The following DDX19B variants were observed in gnomAD, a reference collection of about 807,000 sequenced individuals.
The protein encoded by DDX19B is DEAD-box helicase 19B, also known as ATP-dependent RNA helicase DDX19B.
A neutral mutation model predicts 58.1 loss-of-function variants in DDX19B; 27 were observed. That is an observed-to-expected ratio of 0.46 (90% CI 0.34 to 0.64). The LOEUF (loss-of-function observed/expected upper bound fraction) is 0.64, where lower values mean the gene tolerates loss of function less well. DDX19B is among the 30% of genes least tolerant of loss of function. The pLI is 0.01. For missense variants in DDX19B, 399 were observed against 596.5 expected, an observed-to-expected ratio of 0.67 and a Z score of 3.45; for synonymous variants, 187 against 214.4, an observed-to-expected ratio of 0.87 and a Z score of 1.12.
At chr16:70,318,637 C>CA (rs994284086) in intron 5 of DDX19B, among the ~76,000 whole-genome samples, 32 of 145,508 alleles carry the variant, frequency 2.2e-4, no homozygotes, top group East Asian at 1.4e-3. Context: ...ACTAAAAATA[C>CA]AAAAAAAAAA....
intron 5 of DDX19B, among the ~76,000 whole-genome samples, chr16:70,323,577 C>CCA (rs1962970150): frequency 6.6e-6 from 1 of 152,012 alleles, no homozygotes; most frequent in Non-Finnish European, 1.5e-5. Context: ...GCGCCCACCA[C>CCA]CATGCCTGGC....
At chr16:70,291,625 C>G (rs1024681570), upstream of DDX19B, among the ~76,000 whole-genome samples, 1 of 151,920 alleles carries the variant, frequency 6.6e-6, no homozygotes, top group Non-Finnish European at 1.5e-5. Flanking sequence ...CTGGCTAACA[C>G]GACGAAACCC....
chr16:70,316,854 T>A (rs1962446729), intron 4 of DDX19B, among the ~76,000 whole-genome samples: 1 of 152,010 alleles, frequency 6.6e-6, no homozygotes, highest in Admixed American at 6.6e-5. Flanking sequence ...GCAGACCACT[T>A]GAGGTCAGGA....
At chr16:70,311,759 A>T (rs1309283885) in intron 1 of DDX19B, among the ~76,000 whole-genome samples, 2 of 152,222 alleles carry the variant, frequency 1.3e-5, no homozygotes, top group Non-Finnish European at 2.9e-5. Context: ...GTGAGGCTGC[A>T]CATCAGCATA....
At position 70,325,692 on chromosome 16, in the gene DDX19B, A is replaced by G. The variant is rs1176759151; in HGVS notation, c.607+4A>G. Reference sequence around the variant, plus strand: ...TATGCTGTTCGAGGCAATAAATGTGAGTATGTGAATTTGGTCCTAAATCAT... The same window carrying G: ...TATGCTGTTCGAGGCAATAAATGTGGGTATGTGAATTTGGTCCTAAATCAT... On this transcript the variant is annotated splice_donor_region_variant and intron_variant, in intron 7 of 11. Coordinates refer to ENST00000288071, the MANE Select transcript of DDX19B (RefSeq NM_007242.7). The G allele has an allele frequency of 1.1e-5, 17 of 1,599,988 alleles. No homozygotes were observed. The highest frequency in any genetic ancestry group is 1.5e-5 in the Non-Finnish European group (17 of 1,169,680).
At chr16:70,322,316 C>G (rs562566767) in intron 5 of DDX19B, among the ~76,000 whole-genome samples, 1 of 151,992 alleles carries the variant, frequency 6.6e-6, no homozygotes, top group Non-Finnish European at 1.5e-5. Context: ...GGCGGCTGGG[C>G]GCAGTGGCTT....
At chr16:70,332,002 T>C in intron 10 of DDX19B, 118 bp downstream of exon 10, 1 of 1,433,206 alleles carries the variant, frequency 7.0e-7, no homozygotes, top group Non-Finnish European at 9.3e-7. Context: ...GTGGGGTTGG[T>C]GACACTATTC....
chr16:70,309,330 C>T (rs1172532349), intron 1 of DDX19B, among the ~76,000 whole-genome samples: 3 of 151,156 alleles, frequency 2.0e-5, no homozygotes, highest in African/African-American at 4.9e-5. Flanking sequence ...CCCGTCTCTA[C>T]TAAAAATATA....
At position 70,335,148 on chromosome 16, in the gene DDX19B, T is replaced by C. The variant is rs1963654437; in HGVS notation, c.*1566T>C. On this transcript the variant is annotated 3_prime_UTR_variant, in exon 12 of 12. Transcript: ENST00000288071. ...TGGTGGGTACTCGACTATGTAGTTT[T>C]CTCTATGCTTCTGGTCAACTCTGAC... The C allele has an allele frequency of 6.6e-6, 1 of 152,234 alleles. No homozygotes were observed. Among genetic ancestry groups the C allele is most frequent in the East Asian group, 1.9e-4 (1 of 5,200 alleles). 9.4% of individuals were successfully genotyped at this position (152,234 alleles called of 1,614,324 possible). A position where few individuals can be genotyped will look rare whatever the true frequency, so the allele number is the denominator to read the frequency against.
chr16:70,299,426 G>A, intron 1 of DDX19B, 72 bp downstream of exon 1: 1 of 1,472,706 alleles, frequency 6.8e-7, no homozygotes. Flanking sequence ...GGGAAAGAAT[G>A]TTTCCCAGGT....
rs1220499452 is a variant in DDX19B at position 70,329,812 on chromosome 16, C to T, written c.786-19C>T. On this transcript the variant is annotated intron_variant, in intron 8 of 11. Coordinates refer to ENST00000288071, the MANE Select transcript of DDX19B (RefSeq NM_007242.7). ...TCCCGGGGCCACCTGGGGCCACCTA[C>T]CAGGGCCTTCCCTTGCAGGATGCTG... The T allele has an allele frequency of 6.2e-7, 1 of 1,613,882 alleles. No homozygotes were observed. Among genetic ancestry groups the T allele is most frequent in the Non-Finnish European group, 8.5e-7 (1 of 1,179,928 alleles).
At chr16:70,320,723 T>A (rs1962735982) in intron 5 of DDX19B, among the ~76,000 whole-genome samples, 1 of 150,748 alleles carries the variant, frequency 6.6e-6, no homozygotes, top group Non-Finnish European at 1.5e-5. Flanking sequence ...CCAGCTAATT[T>A]TTTTTTTGTA....
At chr16:70,331,619 C>T in intron 9 of DDX19B, 103 bp from the exon 10 acceptor site, 1 of 1,427,812 alleles carries the variant, frequency 7.0e-7, no homozygotes, top group Non-Finnish European at 9.4e-7. Context: ...CTGGATTTAG[C>T]AGGGCCTTCA....
intron 1 of DDX19B, among the ~76,000 whole-genome samples, chr16:70,307,578 C>G (rs11859827): frequency 0.072 from 10,823 of 150,856 alleles, 1,302 homozygotes; most frequent in African/African-American, 0.25. Context: ...GCCCACAGTG[C>G]TCTCGAACTC....
At chr16:70,315,354 T>A (rs1962325220) in intron 3 of DDX19B, among the ~76,000 whole-genome samples, 1 of 147,576 alleles carries the variant, frequency 6.8e-6, no homozygotes, top group Admixed American at 6.8e-5. Flanking sequence ...GCCACTGCAC[T>A]CTAGCCTGGG....
At chr16:70,324,149 G>A (rs943327247) in intron 5 of DDX19B, among the ~76,000 whole-genome samples, 1 of 151,998 alleles carries the variant, frequency 6.6e-6, no homozygotes, top group African/African-American at 2.4e-5. Context: ...TGAATGAAAC[G>A]AGGAATTATT....
At chr16:70,320,588 C>G (rs1962721208) in intron 5 of DDX19B, among the ~76,000 whole-genome samples, 1 of 151,462 alleles carries the variant, frequency 6.6e-6, no homozygotes, top group African/African-American at 2.4e-5. Context: ...CGCTCTGTAG[C>G]CCAGGCTGGA....
intron 5 of DDX19B, among the ~76,000 whole-genome samples, chr16:70,321,089 A>G (rs539581254): frequency 1.3e-5 from 2 of 150,678 alleles, no homozygotes; most frequent in South Asian, 4.2e-4. Flanking sequence ...CCACCTCCCA[A>G]GTAGCTGGGA....
chr16:70,297,294 C>G (rs778329226), upstream of DDX19B, among the ~76,000 whole-genome samples: 3 of 152,030 alleles, frequency 2.0e-5, no homozygotes, highest in Non-Finnish European at 4.4e-5. Context: ...CTCACTGCAA[C>G]CTTTGCCTTC....
Sources: gnomAD v4.1 joint callset for allele counts (sites outside exome capture counted in the v4.1 genomes callset) on GRCh38, gnomAD v4.1.1 for gene constraint, MANE v1.5 for transcripts, NCBI Gene and HGNC (gene_info 2026-07-23, HGNC 2026-07-21) for gene names.